Variants in ZFP64 observed in about 807,000 individuals in gnomAD.
ZFP64 encodes zinc finger protein 64.
Under a neutral mutation model 51.6 loss-of-function variants are expected in ZFP64, and 14 were observed. The ratio of observed to expected loss-of-function variants is 0.27; its 90% CI spans 0.18 to 0.42. The LOEUF is 0.42. Ranked by LOEUF, ZFP64 falls within the 10% of genes least tolerant of loss-of-function variation. The probability of loss-of-function intolerance (pLI) is 1.00; values close to 1 mark genes in which losing one functional copy is unlikely to be tolerated. For synonymous variants in ZFP64, 375 were observed against 361.4 expected, an observed-to-expected ratio of 1.04 and a Z score of -0.43; for missense variants, 754 against 906.8, an observed-to-expected ratio of 0.83 and a Z score of 2.16.
chr20:52,122,572 T>C (rs572086251), intron 5 of ZFP64, among the ~76,000 whole-genome samples: 73 of 151,734 alleles, frequency 4.8e-4, no homozygotes, highest in African/African-American at 1.7e-3. Context: ...ATTCCTTTGA[T>C]GAATTTGGGC....
chr20:52,162,071 G>T (rs1197086655), intron 4 of ZFP64, among the ~76,000 whole-genome samples: 1 of 152,080 alleles, frequency 6.6e-6, no homozygotes, highest in African/African-American at 2.4e-5. Flanking sequence ...GCCGAGGCAG[G>T]CAGATCACTT....
intron 5 of ZFP64, among the ~76,000 whole-genome samples, chr20:52,132,299 G>A (rs551032958): frequency 2.0e-5 from 3 of 151,808 alleles, no homozygotes; most frequent in Non-Finnish European, 4.4e-5. Context: ...TCTAATGATG[G>A]ATCTTAAAGA....
chr20:52,181,560 A>C (rs1983615746), intron 2 of ZFP64, among the ~76,000 whole-genome samples: 1 of 152,210 alleles, frequency 6.6e-6, no homozygotes, highest in Admixed American at 6.5e-5. Flanking sequence ...GAGAAGAGCG[A>C]GAAACGGTTT....
chr20:52,112,111 A>G (rs74274966), intron 5 of ZFP64, among the ~76,000 whole-genome samples: 1 of 147,452 alleles, frequency 6.8e-6, no homozygotes, highest in Admixed American at 6.9e-5. Context: ...CAAAAAAAAA[A>G]CAAGAATCCC....
At chr20:52,125,833 C>T (rs1392527470) in intron 5 of ZFP64, among the ~76,000 whole-genome samples, 2 of 152,114 alleles carry the variant, frequency 1.3e-5, no homozygotes, top group Non-Finnish European at 2.9e-5. Context: ...AATATGGCTA[C>T]ACTAATTGAC....
At chr20:52,140,976 G>T (rs1055193187) in intron 5 of ZFP64, among the ~76,000 whole-genome samples, 8 of 152,102 alleles carry the variant, frequency 5.3e-5, no homozygotes, top group Non-Finnish European at 8.8e-5. Flanking sequence ...TAAGAATGAG[G>T]CTAAATCTAC....
intron 4 of ZFP64, among the ~76,000 whole-genome samples, chr20:52,161,446 C>CTTTTTTTT (rs1236301796): frequency 7.8e-6 from 1 of 127,724 alleles, no homozygotes; most frequent in African/African-American, 3.2e-5. Flanking sequence ...CTTGTGATTG[C>CTTTTTTTT]TTTCTTTTTT....
downstream of ZFP64, among the ~76,000 whole-genome samples, chr20:52,148,168 G>A (rs1471050986): frequency 3.3e-5 from 5 of 152,050 alleles, no homozygotes; most frequent in Admixed American, 2.6e-4. Flanking sequence ...ATAATAGCTG[G>A]GGGAAGCTTT....
At chr20:52,113,189 C>T (rs1978684469) in intron 5 of ZFP64, among the ~76,000 whole-genome samples, 1 of 151,688 alleles carries the variant, frequency 6.6e-6, no homozygotes, top group African/African-American at 2.4e-5. Context: ...AAAAAATTAG[C>T]CAGGCGTGGT....
At chr20:52,125,398 G>A (rs1979400083) in intron 5 of ZFP64, among the ~76,000 whole-genome samples, 1 of 152,172 alleles carries the variant, frequency 6.6e-6, no homozygotes, top group Non-Finnish European at 1.5e-5. Context: ...TTCCAAGACT[G>A]CCTATGATGC....
intron 5 of ZFP64, among the ~76,000 whole-genome samples, chr20:52,134,574 C>T (rs900303308): frequency 6.6e-6 from 1 of 152,198 alleles, no homozygotes; most frequent in Non-Finnish European, 1.5e-5. Context: ...TCAAGGTTCA[C>T]AAACTGCCTT....
chr20:52,164,254 G>A (rs953434815), intron 4 of ZFP64, among the ~76,000 whole-genome samples: 2 of 152,146 alleles, frequency 1.3e-5, no homozygotes, highest in East Asian at 1.9e-4. Context: ...CAGCCTGGGC[G>A]ACAGAGTGAG....
At chr20:52,179,686 G>T (rs560344583) in intron 2 of ZFP64, among the ~76,000 whole-genome samples, 14 of 152,286 alleles carry the variant, frequency 9.2e-5, no homozygotes, top group Admixed American at 5.2e-4. Context: ...TCTGGCCAAA[G>T]ACCAATAGGG....
At chr20:52,088,953 G>A (rs1479106986) in intron 7 of ZFP64, 1 of 559,926 alleles carries the variant, frequency 1.8e-6, no homozygotes, top group East Asian at 4.5e-5. Context: ...CAGCTGTAGG[G>A]ATCTTGGGCA....
At chr20:52,190,425 T>C (rs1419634976) in intron 1 of ZFP64, among the ~76,000 whole-genome samples, 1 of 146,474 alleles carries the variant, frequency 6.8e-6, no homozygotes, top group Non-Finnish European at 1.5e-5. Context: ...TTTTCTCATC[T>C]GAAAAATGGG....
intron 2 of ZFP64, among the ~76,000 whole-genome samples, chr20:52,175,442 G>A (rs1983111805): frequency 6.6e-6 from 1 of 152,196 alleles, no homozygotes; most frequent in Non-Finnish European, 1.5e-5. Flanking sequence ...CATATATTCA[G>A]GTCTCTTGAT....
At chr20:52,106,298 GC>G (rs1216326772) in intron 5 of ZFP64, among the ~76,000 whole-genome samples, 1 of 152,228 alleles carries the variant, frequency 6.6e-6, no homozygotes, top group African/African-American at 2.4e-5. Flanking sequence ...AAGCAAGAAA[GC>G]CACCTACATC....
intron 5 of ZFP64, among the ~76,000 whole-genome samples, chr20:52,103,150 G>T (rs1370323626): frequency 6.6e-6 from 1 of 152,164 alleles, no homozygotes; most frequent in Non-Finnish European, 1.5e-5. Flanking sequence ...GGCCGCATTT[G>T]ACTATTAGAA....
At chr20:52,178,329 C>G (rs772020254) in intron 2 of ZFP64, among the ~76,000 whole-genome samples, 31 of 152,136 alleles carry the variant, frequency 2.0e-4, no homozygotes, top group Non-Finnish European at 3.8e-4. Context: ...CTGCCACTTT[C>G]TGTCATCTGG....
Sources: gnomAD v4.1 joint callset for allele counts (sites outside exome capture counted in the v4.1 genomes callset) on GRCh38, gnomAD v4.1.1 for gene constraint, MANE v1.5 for transcripts, NCBI Gene and HGNC (gene_info 2026-07-23, HGNC 2026-07-21) for gene names.